Variants in CACNA1B observed in about 807,000 individuals in gnomAD.
CACNA1B encodes calcium voltage-gated channel subunit alpha1 B, also known as voltage-dependent N-type calcium channel subunit alpha-1B.
Under a neutral mutation model 247.2 loss-of-function variants are expected in CACNA1B, and 70 were observed. The ratio of observed to expected loss-of-function variants is 0.28; its 90% CI spans 0.23 to 0.35. CACNA1B has a LOEUF of 0.35. CACNA1B is among the 10% of genes least tolerant of loss of function. The pLI, the probability that CACNA1B is intolerant of heterozygous loss-of-function variation, is 1.00. For synonymous variants in CACNA1B, 1,231 were observed against 1,294.4 expected (o/e 0.95, Z 1.05); for missense variants, 2,367 against 3,197.4 (o/e 0.74, Z 6.26).
Position 138,053,840 on chromosome 9 carries a change from C to T in CACNA1B, c.3808-6C>T. The T allele has an allele frequency of 6.2e-7, 1 of 1,611,364 alleles. No individual in the cohort carries two copies. On this transcript the variant is annotated splice_region_variant and splice_polypyrimidine_tract_variant and intron_variant, in intron 25 of 46. Transcript: ENST00000371372. ...CCTCATCATGGCTCCACCCCTCCTC[C>T]TGCAGGCTGTGTTTGACTGTGTGGT... is the stretch of plus-strand genomic sequence containing the variant.
intron 12 of CACNA1B, among the ~76,000 whole-genome samples, chr9:137,980,846 A>C (rs1958285971): frequency 6.6e-6 from 1 of 152,168 alleles, no homozygotes; most frequent in South Asian, 2.1e-4. Flanking sequence ...TATTTTTTTT[A>C]ATAGCTGTGC....
At chr9:137,894,707 C>T (rs1399260705) in intron 3 of CACNA1B, among the ~76,000 whole-genome samples, 3 of 152,122 alleles carry the variant, frequency 2.0e-5, no homozygotes, top group African/African-American at 7.2e-5. Context: ...CGTGCCTGGC[C>T]CTACATATCC....
At chr9:137,897,996 C>T (rs1957191820) in intron 3 of CACNA1B, among the ~76,000 whole-genome samples, 2 of 152,118 alleles carry the variant, frequency 1.3e-5, no homozygotes, top group African/African-American at 4.8e-5. Flanking sequence ...ATTATTCTTT[C>T]AGGATAGGTC....
intron 31 of CACNA1B, among the ~76,000 whole-genome samples, chr9:138,065,351 G>A (rs914222655): frequency 2.0e-5 from 3 of 152,052 alleles, no homozygotes; most frequent in East Asian, 3.9e-4. Flanking sequence ...TCTAGTGGCC[G>A]GCATTGGAAG....
chr9:137,929,055 C>G (rs535015718), intron 6 of CACNA1B, among the ~76,000 whole-genome samples: 6 of 152,258 alleles, frequency 3.9e-5, no homozygotes, highest in Non-Finnish European at 8.8e-5. Context: ...CATTCTTGCA[C>G]AAGTTTTTGC....
chr9:137,916,725 G>T (rs7875160), intron 5 of CACNA1B, among the ~76,000 whole-genome samples: 3 of 151,734 alleles, frequency 2.0e-5, no homozygotes, highest in Non-Finnish European at 2.9e-5. Flanking sequence ...TACAGTCAGC[G>T]TGGCAGTTTG....
intron 38 of CACNA1B, among the ~76,000 whole-genome samples, chr9:138,105,414 G>A (rs1180355187): frequency 6.6e-6 from 1 of 152,226 alleles, no homozygotes; most frequent in Non-Finnish European, 1.5e-5. Flanking sequence ...CTCAGGGTGA[G>A]GAGGTGGCTG....
Position 137,986,262 on chromosome 9 carries a change from C to A in CACNA1B, c.1770-151C>A. On this transcript the variant is annotated intron_variant, in intron 13 of 46. Coordinates refer to ENST00000371372, the MANE Select transcript of CACNA1B (RefSeq NM_000718.4). This position sits in a 1 kb window ranked among gnomAD's most constrained non-coding sequence, Gnocchi z 6.0. ...GGGAGAGAAGTCCAGGGTAGTGGGC[C>A]TGAAACTCCAGAGAAAAGCTCTAAC... The A allele has an allele frequency of 1.2e-6, 1 of 843,416 alleles. No homozygotes were observed. The highest frequency in any genetic ancestry group is 1.8e-6 in the Non-Finnish European group (1 of 552,604). The allele number at this position is 843,416 out of a possible 1,614,324, so 52.2% of individuals were successfully genotyped here. A position where few individuals can be genotyped will look rare whatever the true frequency, so the allele number is the denominator to read the frequency against.
chr9:138,108,620 T>A (rs998207343), intron 39 of CACNA1B, among the ~76,000 whole-genome samples: 3 of 152,128 alleles, frequency 2.0e-5, no homozygotes, highest in South Asian at 2.1e-4. Context: ...TAGATTTTTT[T>A]AAATCTTCAA....
intron 15 of CACNA1B, among the ~76,000 whole-genome samples, chr9:137,988,108 C>T (rs1239053929): frequency 1.3e-5 from 2 of 152,224 alleles, no homozygotes; most frequent in African/African-American, 2.4e-5. Context: ...TTTGGTCTCC[C>T]AGATGTTTTT....
intron 10 of CACNA1B, among the ~76,000 whole-genome samples, chr9:137,963,552 A>C (rs949669305): frequency 6.6e-6 from 1 of 152,102 alleles, no homozygotes; most frequent in Non-Finnish European, 1.5e-5. Flanking sequence ...ATGTGCCACC[A>C]CACCTGGCTA....
In CACNA1B at chr9:138,025,184, C is replaced by T; in HGVS notation, c.3286+12C>T. ...CACGGTCGTTCCCAGTGAGTATCTC[C>T]CTGTGCCAGTGGGGCAGGGCCCATC... On this transcript the variant is annotated intron_variant, in intron 20 of 46. Transcript: ENST00000371372. 4.4e-6 allele frequency: 7 copies of T among 1,574,668 alleles called. No homozygotes were observed. Among genetic ancestry groups the T allele is most frequent in the Non-Finnish European group, 6.1e-6 (7 of 1,150,684 alleles).
At position 137,986,777 on chromosome 9, in the gene CACNA1B, C is replaced by T; in HGVS notation, c.1902-5C>T. 1.9e-6 allele frequency: 3 copies of T among 1,612,594 alleles called. No homozygotes were observed. The highest frequency in any genetic ancestry group is 2.5e-6 in the Non-Finnish European group (3 of 1,178,636). Reference sequence around the variant, plus strand: ...CCACTTCCCAAGCCTTCCTGTTTTCCTCAGGTTCAACTTCCAGGATGAGAC... The same window carrying T: ...CCACTTCCCAAGCCTTCCTGTTTTCTTCAGGTTCAACTTCCAGGATGAGAC... On this transcript the variant is annotated splice_polypyrimidine_tract_variant and splice_region_variant and intron_variant, in intron 14 of 46. Coordinates refer to ENST00000371372, the MANE Select transcript of CACNA1B (RefSeq NM_000718.4). This position sits in a 1 kb window ranked among gnomAD's most constrained non-coding sequence, Gnocchi z 6.0.
At position 137,971,719 on chromosome 9, in the gene CACNA1B, C is replaced by T. The variant is rs180980638; in HGVS notation, c.1543+127C>T. On this transcript the variant is annotated intron_variant, in intron 11 of 46. Coordinates refer to ENST00000371372, the MANE Select transcript of CACNA1B (RefSeq NM_000718.4). This position sits in a 1 kb window ranked among gnomAD's most constrained non-coding sequence, Gnocchi z 4.4. ...CCACCCCCATGTTGCTCAAAGTATC[C>T]CACAGCCCTAGTCAGCCTCCAGGAG... The T allele has an allele frequency of 4.3e-3, 3,346 of 777,854 alleles. 20 individuals carry two copies. Among genetic ancestry groups the T allele is most frequent in the Non-Finnish European group, 5.5e-3 (2,626 of 477,842 alleles). The allele number at this position is 777,854 out of a possible 1,614,324, so 48.2% of individuals were successfully genotyped here. A position where few individuals can be genotyped will look rare whatever the true frequency, so the allele number is the denominator to read the frequency against.
chr9:138,043,566 C>T (rs1438086669), intron 20 of CACNA1B, among the ~76,000 whole-genome samples: 2 of 152,154 alleles, frequency 1.3e-5, no homozygotes, highest in Non-Finnish European at 2.9e-5. Flanking sequence ...GAGGAAGGGT[C>T]CGTTAGCGTC....
At chr9:137,920,581 A>G (rs964983612) in intron 6 of CACNA1B, among the ~76,000 whole-genome samples, 5 of 152,232 alleles carry the variant, frequency 3.3e-5, no homozygotes, top group Non-Finnish European at 4.4e-5. Context: ...AGCTGTCAGA[A>G]TGGTCATGGG....
rs1957865185 is a variant in CACNA1B at position 137,950,382 on chromosome 9, G to A, written c.967-1892G>A. ...GGTGCCCCTACTGCCTGTGTAAATG[G>A]AAGTCAAGGTGTCCCGTGTGGTCTT... On this transcript the variant is annotated intron_variant, in intron 6 of 46. Transcript: ENST00000371372. This position sits in a 1 kb window ranked among gnomAD's most constrained non-coding sequence, Gnocchi z 4.8. Among the ~76,000 whole-genome samples the A allele has an allele frequency of 2.0e-5, 3 of 152,224 alleles. No homozygotes were observed. The highest frequency in any genetic ancestry group is 7.2e-5 in the African/African-American group (3 of 41,466).
intron 6 of CACNA1B, among the ~76,000 whole-genome samples, chr9:137,940,512 C>A (rs188101066): frequency 6.6e-6 from 1 of 152,274 alleles, no homozygotes; most frequent in African/African-American, 2.4e-5. Flanking sequence ...GGTACCAATC[C>A]TATCGACACT....
In CACNA1B at chr9:137,942,947, C is replaced by T. The variant is rs56017860; in HGVS notation, c.967-9327C>T. Among the ~76,000 whole-genome samples, 1,084 of 152,232 alleles carry T rather than the reference C, an allele frequency of 7.1e-3. 13 individuals are homozygous for T. Among genetic ancestry groups the T allele is most frequent in the African/African-American group, 0.025 (1,025 of 41,492 alleles). On this transcript the variant is annotated intron_variant, in intron 6 of 46. Coordinates refer to ENST00000371372, the MANE Select transcript of CACNA1B (RefSeq NM_000718.4). ...GCATGTAACCAAACACCATCTGTTCCCCAATAACCTATGGAAATAAATTTT... is the reference window on the plus strand; with the variant it reads ...GCATGTAACCAAACACCATCTGTTCTCCAATAACCTATGGAAATAAATTTT...
Sources: allele counts gnomAD v4.1 joint callset (sites outside exome capture counted in the v4.1 genomes callset), GRCh38; gene constraint gnomAD v4.1.1; non-coding constraint Gnocchi (gnomAD v3.1); transcripts MANE v1.5; gene names NCBI Gene and HGNC (gene_info 2026-07-23, HGNC 2026-07-21).